The following MYO16 variants were observed in gnomAD, a reference collection of about 807,000 sequenced individuals.
The protein encoded by MYO16 is unconventional myosin-XVI.
In MYO16, 94 loss-of-function variants were observed where a neutral mutation model predicts 205.3. That is an observed-to-expected ratio of 0.46 (90% CI 0.39 to 0.54). MYO16 has a LOEUF of 0.54. Ranked by LOEUF, MYO16 falls within the 20% of genes least tolerant of loss-of-function variation. The probability of loss-of-function intolerance (pLI) is 0.00; values close to 1 mark genes in which losing one functional copy is unlikely to be tolerated. For missense variants in MYO16, 2,315 were observed against 2,387.5 expected (o/e 0.97, Z 0.63); for synonymous variants, 988 against 954.0 (o/e 1.04, Z -0.66).
intron 32 of MYO16, among the ~76,000 whole-genome samples, chr13:109,153,707 C>T (rs539038663): frequency 2.6e-5 from 4 of 152,100 alleles, no homozygotes; most frequent in Admixed American, 6.5e-5. Flanking sequence ...TGCAGTGAGC[C>T]GAGACTGCAG....
intron 32 of MYO16, among the ~76,000 whole-genome samples, chr13:109,146,169 A>G (rs1268439953): frequency 6.6e-6 from 1 of 152,232 alleles, no homozygotes; most frequent in Admixed American, 6.5e-5. Context: ...TGGCATTTTT[A>G]CTTAATAAGG....
chr13:108,774,105 AT>A (rs1886053824), intron 4 of MYO16, among the ~76,000 whole-genome samples: 1 of 146,672 alleles, frequency 6.8e-6, no homozygotes, highest in Non-Finnish European at 1.5e-5. Context: ...ATGAAAATAA[AT>A]AACAATAAAA....
intron 12 of MYO16, among the ~76,000 whole-genome samples, chr13:108,869,255 C>T (rs539109885): frequency 1.3e-5 from 2 of 152,192 alleles, no homozygotes; most frequent in African/African-American, 4.8e-5. Flanking sequence ...TAACTATATT[C>T]ATTTATTAAG....
At chr13:109,047,183 G>A (rs957679394) in intron 24 of MYO16, among the ~76,000 whole-genome samples, 192 bp downstream of exon 24, 3 of 152,142 alleles carry the variant, frequency 2.0e-5, no homozygotes, top group Non-Finnish European at 4.4e-5. Context: ...GTAATTTGGA[G>A]TCCAATGGAA....
At chr13:108,929,942 C>G (rs1882180120) in intron 16 of MYO16, among the ~76,000 whole-genome samples, 1 of 152,034 alleles carries the variant, frequency 6.6e-6, no homozygotes. Context: ...ATAAATGAAC[C>G]TAAGCTATAT....
chr13:108,629,574 G>C (rs1042775574), upstream of MYO16: 1 of 405,216 alleles, frequency 2.5e-6, no homozygotes, highest in Non-Finnish European at 4.5e-6. Flanking sequence ...GTGGTACTCG[G>C]GGCTGTGTCA....
intron 12 of MYO16, among the ~76,000 whole-genome samples, chr13:108,881,562 A>C (rs1390690398): frequency 2.6e-5 from 4 of 152,192 alleles, no homozygotes; most frequent in Non-Finnish European, 4.4e-5. Context: ...AGATTAGACA[A>C]ATGGCTAACC....
chr13:108,555,244 A>T, the MYO16 span, among the ~76,000 whole-genome samples: 200 of 152,296 alleles, frequency 1.3e-3, 3 homozygotes, highest in East Asian at 0.035. Flanking sequence ...CTGCCAGTGT[A>T]TATGTGAGAT....
intron 21 of MYO16, among the ~76,000 whole-genome samples, chr13:108,996,725 T>C (rs1885013919): frequency 6.6e-6 from 1 of 152,184 alleles, no homozygotes; most frequent in South Asian, 2.1e-4. Context: ...CCCTTCATGA[T>C]TGAATATGTT....
At chr13:108,711,561 G>A (rs1883725362) in intron 2 of MYO16, among the ~76,000 whole-genome samples, 1 of 152,232 alleles carries the variant, frequency 6.6e-6, no homozygotes, top group African/African-American at 2.4e-5. Context: ...CACCGTCAAA[G>A]AGCTTGGCCT....
chr13:108,661,972 G>A (rs530904086), intron 1 of MYO16, among the ~76,000 whole-genome samples: 1 of 152,194 alleles, frequency 6.6e-6, no homozygotes, highest in South Asian at 2.1e-4. Flanking sequence ...TGTCCTATGG[G>A]GTGTTCCTTT....
intron 9 of MYO16, among the ~76,000 whole-genome samples, chr13:108,841,010 A>G (rs1394887501): frequency 1.3e-5 from 2 of 152,222 alleles, no homozygotes; most frequent in African/African-American, 4.8e-5. Context: ...AATCAAAATC[A>G]CAACAGGTAT....
At chr13:109,039,013 T>C (rs1272029163) in intron 23 of MYO16, among the ~76,000 whole-genome samples, 1 of 152,074 alleles carries the variant, frequency 6.6e-6, no homozygotes, top group Non-Finnish European at 1.5e-5. Flanking sequence ...TAGGAAGCAG[T>C]AAAGAAGTGT....
rs929090026 is a variant in MYO16, at chr13:109,140,619, G to C, written c.4407G>C (p.Ala1469=). 1.3e-6 allele frequency: 2 copies of C among 1,518,396 alleles called. No homozygotes were observed. The highest frequency in any genetic ancestry group is 4.1e-5 in the Admixed American group (2 of 48,524). The allele number at this position is 1,518,396 out of a possible 1,614,324, so 94.1% of individuals were successfully genotyped here. A position where few individuals can be genotyped will look rare whatever the true frequency, so the allele number is the denominator to read the frequency against. ...TGCCCGACGACGGCGGCCCGGGCGCGGGCTCCTTCCTGCTCCACGGCGCAT... is the reference window on the plus strand; with the variant it reads ...TGCCCGACGACGGCGGCCCGGGCGCCGGCTCCTTCCTGCTCCACGGCGCAT... The part of the protein sequence containing the change: ...CCLPDDGGPG[A]GSFLLHGASP... Residue 1469 remains alanine, a synonymous_variant, in exon 32 of 35, where the codon GCG becomes GCC. Transcript: ENST00000457511. This position sits in a 1 kb window ranked among gnomAD's most constrained non-coding sequence, Gnocchi z 8.0.
chr13:108,597,522 C>G (rs1878605195), intron 1 of MYO16, among the ~76,000 whole-genome samples: 1 of 152,282 alleles, frequency 6.6e-6, no homozygotes, highest in Non-Finnish European at 1.5e-5. Context: ...TTAATATATA[C>G]ATGTAACTTT....
intron 15 of MYO16, 129 bp from the exon 16 acceptor site, chr13:108,909,874 A>T (rs1483577878): frequency 1.3e-5 from 13 of 990,514 alleles, no homozygotes; most frequent in Admixed American, 2.4e-5. Flanking sequence ...AATAAAATAA[A>T]ATGTAAATAG....
intron 23 of MYO16, among the ~76,000 whole-genome samples, chr13:109,042,745 T>G (rs902341231): frequency 2.6e-5 from 4 of 152,210 alleles, no homozygotes; most frequent in Non-Finnish European, 5.9e-5. Flanking sequence ...TAATATTATT[T>G]AACACATTAA....
chr13:108,905,251 A>G (rs1337474029), intron 15 of MYO16, among the ~76,000 whole-genome samples: 2 of 152,126 alleles, frequency 1.3e-5, no homozygotes, highest in Non-Finnish European at 2.9e-5. Flanking sequence ...AAACTAGGGG[A>G]CCAGACTCCA....
At chr13:109,147,843 C>T (rs1039085767) in intron 32 of MYO16, among the ~76,000 whole-genome samples, 4 of 152,088 alleles carry the variant, frequency 2.6e-5, no homozygotes, top group African/African-American at 7.2e-5. Flanking sequence ...CATAATTTTC[C>T]TCATTTTCCA....
Sources: gnomAD v4.1 joint callset for allele counts (sites outside exome capture counted in the v4.1 genomes callset) on GRCh38, gnomAD v4.1.1 for gene constraint, Gnocchi (gnomAD v3.1) non-coding constraint, MANE v1.5 for transcripts, NCBI Gene and HGNC (gene_info 2026-07-23, HGNC 2026-07-21) for gene names.